Variants in TBC1D21 observed in about 807,000 individuals in gnomAD.
The protein encoded by TBC1D21 is TBC1 domain family member 21, also known as male germ cell Rab GTPase-activating protein.
Under a neutral mutation model 46.0 loss-of-function variants are expected in TBC1D21, and 38 were observed. The ratio of observed to expected loss-of-function variants is 0.83; its 90% CI spans 0.64 to 1.08. The LOEUF is 1.08. TBC1D21 is among the 50% of genes least tolerant of loss of function. The pLI is 0.00. For synonymous variants in TBC1D21, 151 were observed against 157.2 expected (o/e 0.96, Z 0.29); for missense variants, 415 against 417.9 (o/e 0.99, Z 0.06).
chr15:73,884,926 A>G (rs1479439128), intron 5 of TBC1D21, 35 bp downstream of exon 5: 1 of 1,611,128 alleles, frequency 6.2e-7, no homozygotes, highest in Admixed American at 1.7e-5. Context: ...ATGCCCTCCC[A>G]GGACCTGGCC....
chr15:73,878,188 G>T (rs1384537940), intron 1 of TBC1D21, among the ~76,000 whole-genome samples: 2 of 152,188 alleles, frequency 1.3e-5, no homozygotes, highest in African/African-American at 2.4e-5. Context: ...TTCTGCAAAG[G>T]TCACAATAGA....
the TBC1D21 span, among the ~76,000 whole-genome samples, chr15:73,898,880 A>AAAAAAAAAAAAATATATATATAT: frequency 3.5e-5 from 2 of 56,776 alleles, no homozygotes; most frequent in Non-Finnish European, 7.6e-5. Context: ...AAAAAAAAAA[A>AAAAAAAAAAAAATATATATATAT]ATATATATAT....
the TBC1D21 span, among the ~76,000 whole-genome samples, chr15:73,901,230 C>G: frequency 2.4e-3 from 373 of 152,322 alleles, 1 homozygote; most frequent in African/African-American, 8.6e-3. Flanking sequence ...CCAAAAGGAG[C>G]TGCCCCATTT....
At chr15:73,885,444 C>A (rs1158506090) in intron 6 of TBC1D21, among the ~76,000 whole-genome samples, 2 of 152,172 alleles carry the variant, frequency 1.3e-5, no homozygotes, top group Non-Finnish European at 1.5e-5. Flanking sequence ...CTCAATGGCT[C>A]CCTGTGGCCT....
chr15:73,886,780 G>A (rs2068255182), intron 8 of TBC1D21, among the ~76,000 whole-genome samples, 168 bp downstream of exon 8: 1 of 152,240 alleles, frequency 6.6e-6, no homozygotes, highest in African/African-American at 2.4e-5. Flanking sequence ...GGAAGCTGGA[G>A]CATCACTTTG....
At chr15:73,879,726 G>A (rs768874975) in intron 1 of TBC1D21, among the ~76,000 whole-genome samples, 3 of 152,164 alleles carry the variant, frequency 2.0e-5, no homozygotes, top group Non-Finnish European at 4.4e-5. Flanking sequence ...GAAGTTGGGA[G>A]TGTGTATATT....
chr15:73,899,008 C>G, the TBC1D21 span, among the ~76,000 whole-genome samples: 51 of 150,930 alleles, frequency 3.4e-4, no homozygotes, highest in Middle Eastern at 3.2e-3. Flanking sequence ...TCTTCAAAAT[C>G]TGGCATATAT....
downstream of TBC1D21, among the ~76,000 whole-genome samples, chr15:73,889,668 G>A (rs2068320514): frequency 6.6e-6 from 1 of 152,214 alleles, no homozygotes; most frequent in South Asian, 2.1e-4. Flanking sequence ...CTGATGAGCA[G>A]GCAATTCCCT....
At chr15:73,909,944 C>G in the TBC1D21 span, 1 of 152,170 alleles carries the variant, frequency 6.6e-6, no homozygotes, top group African/African-American at 2.4e-5. Context: ...CACATCCCCG[C>G]CCCTCTGCTG....
chr15:73,900,407 G>A, the TBC1D21 span, among the ~76,000 whole-genome samples: 2 of 152,274 alleles, frequency 1.3e-5, no homozygotes, highest in East Asian at 3.9e-4. Context: ...TCCCAGTGCT[G>A]GGGGAAATGG....
At chr15:73,886,691 C>G (rs939109774) in intron 8 of TBC1D21, 79 bp downstream of exon 8, 5 of 1,313,238 alleles carry the variant, frequency 3.8e-6, no homozygotes, top group Non-Finnish European at 4.4e-6. Context: ...TCCTTGCCTC[C>G]CCCTTTCTTC....
chr15:73,886,557 G>C lies in TBC1D21; in HGVS notation c.722G>C (p.Cys241Ser). 1 of 1,613,720 alleles carries C rather than the reference G, an allele frequency of 6.2e-7. No homozygotes were observed. Among genetic ancestry groups the C allele is most frequent in the Non-Finnish European group, 8.5e-7 (1 of 1,180,018 alleles). ...GAVQSLFPWFCFCFQRAFKSF... is the reference protein window; with the variant it reads ...GAVQSLFPWFSFCFQRAFKSF... Reference sequence around the variant, plus strand: ...GTGCAGTCCCTCTTCCCCTGGTTCTGCTTCTGCTTCCAGCGTGCCTTCAAG... The same window carrying C: ...GTGCAGTCCCTCTTCCCCTGGTTCTCCTTCTGCTTCCAGCGTGCCTTCAAG... Residue 241 changes from cysteine (C) to serine (S), a missense_variant, in exon 8 of 11, where the codon TGC becomes TCC. Cys to Ser is a moderately radical substitution (Grantham distance 112, BLOSUM62 -1). Transcript: ENST00000300504.
intron 10 of TBC1D21, 109 bp downstream of exon 10, chr15:73,888,622 T>G: frequency 1.3e-6 from 1 of 760,750 alleles, no homozygotes; most frequent in Non-Finnish European, 2.2e-6. Context: ...CTCCTCCTCC[T>G]CTTCTTCCTC....
chr15:73,890,057 C>T (rs1198279601), downstream of TBC1D21, among the ~76,000 whole-genome samples: 1 of 152,176 alleles, frequency 6.6e-6, no homozygotes, highest in Admixed American at 6.5e-5. Flanking sequence ...ACTGCCCTGC[C>T]CAGTGACTAC....
Position 73,880,558 on chromosome 15 carries a change from G to A in TBC1D21, c.61-841G>A, listed in dbSNP as rs117730642. On this transcript the variant is annotated intron_variant, in intron 1 of 10. Coordinates refer to ENST00000300504, the MANE Select transcript of TBC1D21 (RefSeq NM_153356.3). The stretch of plus-strand genomic sequence containing the variant: ...GGCTGAGGCAGGTGGATCACCTGAG[G>A]CCAAGAGATCAAGACCATCCTGGCC... Among the ~76,000 whole-genome samples, 13 of 152,268 alleles carry A rather than the reference G, an allele frequency of 8.5e-5. 1 individual carries two copies. The East Asian group carries it at 2.3e-3, about 27-fold the overall frequency.
In TBC1D21 at chr15:73,888,880, G is replaced by A. The variant is rs144567541; in HGVS notation, c.979-189G>A. Among the ~76,000 whole-genome samples the A allele has an allele frequency of 1.2e-4, 19 of 152,268 alleles. No homozygotes were observed. The South Asian group carries it at 1.7e-3, about 13-fold the overall frequency. ...GCTCCTCATGGTCTTCTCGTTGTTT[G>A]CACATGTAGCTCCTTCCTCCCTGAG... On this transcript the variant is annotated intron_variant, in intron 10 of 10. Coordinates refer to ENST00000300504, the MANE Select transcript of TBC1D21 (RefSeq NM_153356.3).
rs1227329376 is a variant in TBC1D21, at chr15:73,887,736, G to A, written c.894G>A (p.Leu298=). 2 of 1,612,696 alleles carry A rather than the reference G, an allele frequency of 1.2e-6. No homozygotes were observed. The highest frequency in any genetic ancestry group is 1.7e-5 in the Admixed American group (1 of 59,970). ...QESMGGDDIL[L]ACNNLIDLDA... ...GCATGGGCGGGGATGACATCCTCCT[G>A]GTGAGAGCACCCTCGGGCAAGCTAC... is the stretch of plus-strand genomic sequence containing the variant. Residue 298 remains leucine, a splice_region_variant and synonymous_variant, in exon 9 of 11, where the codon CTG becomes CTA. Transcript: ENST00000300504.
downstream of TBC1D21, among the ~76,000 whole-genome samples, chr15:73,890,596 C>T (rs951743183): frequency 6.6e-6 from 1 of 152,196 alleles, no homozygotes; most frequent in Non-Finnish European, 1.5e-5. Context: ...CTAGTTTTGG[C>T]CTTGGGAAGA....
At chr15:73,893,976 G>T (rs145903664), downstream of TBC1D21, among the ~76,000 whole-genome samples, 2 of 152,168 alleles carry the variant, frequency 1.3e-5, no homozygotes, top group African/African-American at 4.8e-5. Context: ...CTAAGCACTC[G>T]CATGCTTTAT....
Sources: allele counts gnomAD v4.1 joint callset (sites outside exome capture counted in the v4.1 genomes callset), GRCh38; gene constraint gnomAD v4.1.1; transcripts MANE v1.5; gene names NCBI Gene and HGNC (gene_info 2026-07-23, HGNC 2026-07-21).